Variants in WDR35 observed in about 807,000 individuals in gnomAD.
WDR35 encodes WD repeat-containing protein 35.
WDR35 carries 118 observed loss-of-function variants against 158.3 expected under a neutral mutation model. The observed-to-expected ratio is 0.75, with a 90% CI of 0.64 to 0.87. WDR35 has a LOEUF of 0.87. WDR35 is among the 40% of genes least tolerant of loss of function. The probability of loss-of-function intolerance (pLI) is 0.00; values close to 1 mark genes in which losing one functional copy is unlikely to be tolerated. For missense variants in WDR35, 1,263 were observed against 1,405.8 expected (o/e 0.90, Z 1.62); for synonymous variants, 448 against 476.1 (o/e 0.94, Z 0.77).
At chr2:19,984,349 G>A (rs1672487875) in intron 2 of WDR35, among the ~76,000 whole-genome samples, 1 of 152,172 alleles carries the variant, frequency 6.6e-6, no homozygotes. Context: ...TTTAAATGAT[G>A]TAGAGTAAAG....
At chr2:19,932,989 T>C (rs1670570092) in intron 22 of WDR35, among the ~76,000 whole-genome samples, 1 of 152,222 alleles carries the variant, frequency 6.6e-6, no homozygotes, top group African/African-American at 2.4e-5. Flanking sequence ...AAAACAGATT[T>C]GCCAAAATAA....
At chr2:19,974,292 CCAGCTACTCGGGAGGCTGAGG>C (rs1672130802) in intron 7 of WDR35, among the ~76,000 whole-genome samples, 155 bp downstream of exon 7, 1 of 151,814 alleles carries the variant, frequency 6.6e-6, no homozygotes, top group Non-Finnish European at 1.5e-5. Context: ...CCCTGTAGTC[CCAGCTACTCGGGAGGCTGAGG>C]CAGGAAATTC....
intron 2 of WDR35, 80 bp from the exon 3 acceptor site, chr2:19,982,614 T>C (rs1572368795): frequency 7.0e-7 from 1 of 1,432,328 alleles, no homozygotes; most frequent in South Asian, 1.2e-5. Flanking sequence ...TTTGTATTCC[T>C]GGGCAGTATT....
chr2:19,988,636 G>C (rs1002161757), intron 2 of WDR35, among the ~76,000 whole-genome samples: 3 of 152,144 alleles, frequency 2.0e-5, no homozygotes, highest in African/African-American at 7.2e-5. Context: ...TTCAATCTAG[G>C]GGGGCTAAGA....
In WDR35 at chr2:19,990,001, C is replaced by A. The variant is rs774533729; in HGVS notation, c.15G>T (p.Leu5=). The A allele has an allele frequency of 1.9e-6, 3 of 1,613,908 alleles. No individual in the cohort carries two copies. The South Asian group carries it at 3.3e-5, about 18-fold the overall frequency. The change falls in exon 1 of 27, where the codon CTG becomes CTT. Residue 5 remains leucine, a synonymous_variant. Coordinates refer to ENST00000281405, the MANE Select transcript of WDR35 (RefSeq NM_020779.4). MFFY[L]SKKISIPNNV... ...CCCCCAGGAAACTCACTTTCTTGCT[C>A]AGGTAGAAGAACATCGTGGGATCCC... is the stretch of plus-strand genomic sequence containing the variant.
intron 16 of WDR35, among the ~76,000 whole-genome samples, chr2:19,945,161 C>T (rs1012387086): frequency 3.3e-5 from 5 of 151,948 alleles, no homozygotes; most frequent in African/African-American, 1.2e-4. Context: ...AAATCCAGAG[C>T]ATAGAAATTA....
chr2:19,951,408 C>A lies in WDR35; in HGVS notation c.1470+7G>T. The A allele has an allele frequency of 1.9e-6, 3 of 1,602,962 alleles. No homozygotes were observed. Among genetic ancestry groups the A allele is most frequent in the Middle Eastern group, 1.7e-4 (1 of 6,032 alleles). ...TAACATTTTCTGGAAAAATTAAAATCACCTACTTGAATGGTTTTACTATAA... is the reference window on the plus strand; with the variant it reads ...TAACATTTTCTGGAAAAATTAAAATAACCTACTTGAATGGTTTTACTATAA... On this transcript the variant is annotated splice_region_variant and intron_variant, in intron 13 of 26. Coordinates refer to ENST00000281405, the MANE Select transcript of WDR35 (RefSeq NM_020779.4).
At chr2:19,919,118 C>T (rs1034774665) in intron 25 of WDR35, among the ~76,000 whole-genome samples, 5 of 152,114 alleles carry the variant, frequency 3.3e-5, no homozygotes, top group Admixed American at 2.0e-4. Context: ...CAGTGGCTCA[C>T]GCCTGTAATT....
chr2:19,915,500 G>T (rs1225751390), intron 25 of WDR35, among the ~76,000 whole-genome samples: 3 of 150,756 alleles, frequency 2.0e-5, no homozygotes, highest in East Asian at 1.9e-4. Context: ...TCAAGTTAAA[G>T]ATCTAATTGT....
chr2:19,926,154 G>T, intron 25 of WDR35, among the ~76,000 whole-genome samples: 1 of 151,750 alleles, frequency 6.6e-6, no homozygotes, highest in Admixed American at 6.6e-5. Flanking sequence ...CAACCTATGG[G>T]AGCATTACAG....
chr2:19,968,515 T>C (rs1257149119), intron 9 of WDR35, among the ~76,000 whole-genome samples: 1 of 152,200 alleles, frequency 6.6e-6, no homozygotes, highest in African/African-American at 2.4e-5. Context: ...AATAAAATAA[T>C]ACATCATTTA....
intron 11 of WDR35, among the ~76,000 whole-genome samples, chr2:19,958,031 A>T (rs1433965725): frequency 6.6e-6 from 1 of 152,252 alleles, no homozygotes; most frequent in Non-Finnish European, 1.5e-5. Context: ...AAATGCCTAC[A>T]TCTGTAATGT....
rs746250818 is a variant in WDR35 at position 19,938,394 on chromosome 2, T to C, written c.1934A>G (p.Glu645Gly). 1.9e-6 allele frequency: 3 copies of C among 1,613,802 alleles called. No individual in the cohort carries two copies. In the East Asian group the frequency reaches 6.7e-5, roughly 36 times the overall value. The change falls in exon 18 of 27, where the codon GAA (glutamate) becomes GGA (glycine). Residue 645 changes from glutamate to glycine, a missense_variant. Physicochemically the swap from Glu to Gly is moderately conservative, Grantham distance 98 (BLOSUM62 -2). Coordinates refer to ENST00000281405, the MANE Select transcript of WDR35 (RefSeq NM_020779.4). ...VLLDEILKDP[E>G]HPNKDYLINF... ...AATTAGGTAATCCTTGTTTGGATGT[T>C]CTGGATCCTAAAAGTAAAGATGAAA...
intron 25 of WDR35, among the ~76,000 whole-genome samples, chr2:19,927,015 G>A (rs1187765741): frequency 1.3e-5 from 2 of 152,198 alleles, no homozygotes; most frequent in African/African-American, 4.8e-5. Flanking sequence ...TCAAGAAGCT[G>A]TCACAGATGG....
chr2:19,956,707 G>A lies in WDR35; in HGVS notation c.1256-2729C>T, dbSNP rs1023365198. On this transcript the variant is annotated intron_variant, in intron 11 of 26. Coordinates refer to ENST00000281405, the MANE Select transcript of WDR35 (RefSeq NM_020779.4). ...ACGGTCTCGACTCACTGCAAGCTCC[G>A]CCTCCCGGGTTCACGCCATTCTCCT... 1.8e-4 allele frequency among the ~76,000 whole-genome samples: 26 copies of A among 143,866 alleles called. No individual in the cohort carries two copies. In the East Asian group the frequency reaches 2.7e-3, roughly 15 times the overall value. 94.4% of individuals were successfully genotyped at this position (143,866 alleles called of 152,430 possible).
chr2:19,984,483 G>GCACATAA (rs1672490245), intron 2 of WDR35, among the ~76,000 whole-genome samples: 1 of 152,072 alleles, frequency 6.6e-6, no homozygotes. Flanking sequence ...TCTTCTAAAA[G>GCACATAA]CACATAACAG....
intron 16 of WDR35, among the ~76,000 whole-genome samples, chr2:19,945,322 C>T (rs979547327): frequency 7.2e-5 from 11 of 151,914 alleles, no homozygotes; most frequent in Admixed American, 3.9e-4. Context: ...GATTTGTGAA[C>T]GATATGGTAA....
intron 25 of WDR35, among the ~76,000 whole-genome samples, chr2:19,916,713 G>A (rs1203154809): frequency 6.6e-6 from 1 of 152,188 alleles, no homozygotes; most frequent in Non-Finnish European, 1.5e-5. Context: ...CTGAAAAAAA[G>A]CCAGCAGCCC....
intron 12 of WDR35, 124 bp from the exon 13 acceptor site, chr2:19,951,608 T>C: frequency 1.3e-6 from 1 of 761,044 alleles, no homozygotes; most frequent in Admixed American, 2.7e-5. Context: ...TTCTGATTAT[T>C]TTAGAGAGTT....
Sources: allele counts gnomAD v4.1 joint callset (sites outside exome capture counted in the v4.1 genomes callset), GRCh38; gene constraint gnomAD v4.1.1; transcripts MANE v1.5; gene names NCBI Gene and HGNC (gene_info 2026-07-23, HGNC 2026-07-21).